THAP12: variants seen among roughly 807,000 people sequenced by gnomAD.
THAP12 encodes THAP domain containing 12.
THAP12 carries 20 observed loss-of-function variants against 63.0 expected under a neutral mutation model. The observed-to-expected ratio is 0.32, with a 90% CI of 0.22 to 0.46. The LOEUF (loss-of-function observed/expected upper bound fraction) is 0.46. Among genes scored for constraint, THAP12 ranks in the 20% least tolerant of loss-of-function variants. The pLI is 1.00. For missense variants in THAP12, 568 were observed against 908.2 expected (o/e 0.63, Z 4.81); for synonymous variants, 264 against 328.4 (o/e 0.80, Z 2.12).
At position 76,351,443 on chromosome 11, in the gene THAP12, G is replaced by C. The variant is rs757549819; in HGVS notation, c.1707C>G (p.Thr569=). ...AHQGNLESQL[T]SESYYKETLS... ...GGGTTTCTTTATAGTAACTCTCAGAGGTTAGCTGAGATTCCAAGTTACCCT... is the reference window on the plus strand; with the variant it reads ...GGGTTTCTTTATAGTAACTCTCAGACGTTAGCTGAGATTCCAAGTTACCCT... The change falls in exon 5 of 5, where the codon ACC becomes ACG. Residue 569 remains threonine (T), a synonymous_variant. Transcript: ENST00000260045. The C allele has an allele frequency of 1.9e-6, 3 of 1,602,204 alleles. No individual in the cohort carries two copies. The highest frequency in any genetic ancestry group is 1.7e-5 in the Admixed American group (1 of 59,860).
chr11:76,352,862 T>A lies in THAP12; in HGVS notation c.356-68A>T, dbSNP rs1176031394. On this transcript the variant is annotated intron_variant, in intron 4 of 4. Coordinates refer to ENST00000260045, the MANE Select transcript of THAP12 (RefSeq NM_004705.4). ...ACCATACACAACAAAAAATATTACA[T>A]CTTTGGTTAAATATTTAAAATCCAC... The A allele has an allele frequency of 6.9e-6, 10 of 1,455,014 alleles. No homozygotes were observed. In the Admixed American group the frequency reaches 1.1e-4, roughly 16 times the overall value. The allele number at this position is 1,455,014 out of a possible 1,614,324, so 90.1% of individuals were successfully genotyped here.
intron 2 of THAP12, among the ~76,000 whole-genome samples, chr11:76,365,231 T>C (rs1946622929): frequency 6.6e-6 from 1 of 150,680 alleles, no homozygotes; most frequent in Admixed American, 6.6e-5. Context: ...GTGGCAGAAG[T>C]TGCAGTGAGC....
chr11:76,360,127 C>A (rs1449149611), intron 3 of THAP12, among the ~76,000 whole-genome samples: 1 of 152,176 alleles, frequency 6.6e-6, no homozygotes, highest in Non-Finnish European at 1.5e-5. Context: ...TAGATCCCTA[C>A]TGTACATCAT....
intron 1 of THAP12, among the ~76,000 whole-genome samples, chr11:76,373,354 A>G (rs1946687273): frequency 6.6e-6 from 1 of 151,800 alleles, no homozygotes; most frequent in Non-Finnish European, 1.5e-5. Flanking sequence ...AAAAAAAAAA[A>G]AAAAAGGAAA....
intron 1 of THAP12, among the ~76,000 whole-genome samples, chr11:76,379,589 G>C (rs868252012): frequency 3.9e-5 from 6 of 152,064 alleles, no homozygotes; most frequent in South Asian, 2.1e-4. Flanking sequence ...CCTTCACCTG[G>C]TCTTTGCTCA....
intron 4 of THAP12, among the ~76,000 whole-genome samples, chr11:76,354,416 A>C (rs1309139898): frequency 6.6e-6 from 1 of 152,186 alleles, no homozygotes; most frequent in Non-Finnish European, 1.5e-5. Flanking sequence ...TTATTTCTCC[A>C]CTTCCAATTA....
At chr11:76,355,518 C>G in intron 4 of THAP12, 100 bp downstream of exon 4, 1 of 1,090,646 alleles carries the variant, frequency 9.2e-7, no homozygotes, top group South Asian at 1.7e-5. Context: ...CATTCATTCT[C>G]AAGGTAGGTT....
intron 1 of THAP12, among the ~76,000 whole-genome samples, chr11:76,379,025 T>C (rs1015703145): frequency 1.3e-5 from 2 of 152,156 alleles, no homozygotes; most frequent in African/African-American, 4.8e-5. Flanking sequence ...GTTAAAAATC[T>C]TGAAGTCGGC....
intron 1 of THAP12, among the ~76,000 whole-genome samples, chr11:76,373,581 G>C (rs766426731): frequency 1.3e-5 from 2 of 151,896 alleles, no homozygotes; most frequent in African/African-American, 2.4e-5. Context: ...AATTAGCCGG[G>C]GGTTGTGATG....
At chr11:76,369,931 A>G (rs1039308779) in intron 1 of THAP12, among the ~76,000 whole-genome samples, 1 of 152,172 alleles carries the variant, frequency 6.6e-6, no homozygotes, top group Admixed American at 6.5e-5. Flanking sequence ...AATGCAATAA[A>G]TCTTCACTGT....
chr11:76,361,890 A>C (rs184311598), intron 2 of THAP12, among the ~76,000 whole-genome samples: 4 of 152,348 alleles, frequency 2.6e-5, no homozygotes, highest in African/African-American at 9.6e-5. Context: ...TGCCACATGA[A>C]ACCAACTCTC....
At chr11:76,354,197 C>T (rs550626768) in intron 4 of THAP12, among the ~76,000 whole-genome samples, 8 of 152,104 alleles carry the variant, frequency 5.3e-5, no homozygotes, top group Non-Finnish European at 1.0e-4. Flanking sequence ...CTAGTCTGAC[C>T]GGAGCCTGTG....
At chr11:76,372,414 A>AG (rs569531889) in intron 1 of THAP12, among the ~76,000 whole-genome samples, 107 of 151,274 alleles carry the variant, frequency 7.1e-4, no homozygotes, top group Non-Finnish European at 1.3e-3. Flanking sequence ...TTCTAAAAAA[A>AG]AAAAAGAGAG....
chr11:76,361,172 A>T (rs1003805129), intron 2 of THAP12, 109 bp from the exon 3 acceptor site: 1 of 679,088 alleles, frequency 1.5e-6, no homozygotes, highest in African/African-American at 1.8e-5. Context: ...TCCAGCTCTA[A>T]AGTATAGAGA....
At chr11:76,375,758 T>TGG (rs1946705558) in intron 1 of THAP12, among the ~76,000 whole-genome samples, 1 of 49,902 alleles carries the variant, frequency 2.0e-5, no homozygotes. Flanking sequence ...GGGGGGGGGG[T>TGG]GGGTTAGAAC....
chr11:76,363,231 G>C (rs765119103), intron 2 of THAP12, among the ~76,000 whole-genome samples: 7 of 152,168 alleles, frequency 4.6e-5, no homozygotes, highest in Non-Finnish European at 8.8e-5. Context: ...ATGATACCAA[G>C]TATCTCAGTA....
rs746223135 is a variant in THAP12, at chr11:76,351,054, T to C, written c.2096A>G (p.Asn699Ser). Reference sequence around the variant, plus strand: ...ATATGCTTTAAGACGCTTTCGTCCATTTTCATACCGCTCATTCTCAACCTT... The same window carrying C: ...ATATGCTTTAAGACGCTTTCGTCCACTTTCATACCGCTCATTCTCAACCTT... The part of the protein sequence containing the change: ...VMKVENERYE[N>S]GRKRLKAYLR... Residue 699 changes from asparagine to serine, a missense_variant, in exon 5 of 5, where the codon AAT (asparagine) becomes AGT (serine). By Grantham distance (46) the Asn-to-Ser change is conservative. Coordinates refer to ENST00000260045, the MANE Select transcript of THAP12 (RefSeq NM_004705.4). 7 of 1,611,894 alleles carry C rather than the reference T, an allele frequency of 4.3e-6. No homozygotes were observed. The highest frequency in any genetic ancestry group is 2.7e-5 in the African/African-American group (2 of 74,872).
At position 76,380,652 on chromosome 11, in the gene THAP12, C is replaced by T. The variant is rs1322685812; in HGVS notation, c.89+96G>A. 8 of 952,550 alleles carry T rather than the reference C, an allele frequency of 8.4e-6. 1 individual carries two copies. The South Asian group carries it at 1.0e-4, about 12-fold the overall frequency. 59.0% of individuals were successfully genotyped at this position (952,550 alleles called of 1,614,324 possible). A position where few individuals can be genotyped will look rare whatever the true frequency, so the allele number is the denominator to read the frequency against. On this transcript the variant is annotated intron_variant, in intron 1 of 4. Coordinates refer to ENST00000260045, the MANE Select transcript of THAP12 (RefSeq NM_004705.4). ...GTGCGCTGCGCCCGCCTCCTGCGCCCCTCTCAGCCAGCCCGGGAGCCCGCC... is the reference window on the plus strand; with the variant it reads ...GTGCGCTGCGCCCGCCTCCTGCGCCTCTCTCAGCCAGCCCGGGAGCCCGCC...
Position 76,352,049 on chromosome 11 carries a change from C to A in THAP12, c.1101G>T (p.Trp367Cys). 6.2e-7 allele frequency: 1 copy of A among 1,611,390 alleles called. No homozygotes were observed. The highest frequency in any genetic ancestry group is 8.5e-7 in the Non-Finnish European group (1 of 1,179,384). Reference protein sequence around the residue: ...TLCSSCALNMWLAKSVPVMGV... With the variant: ...TLCSSCALNMCLAKSVPVMGV... ...CCATAACAGGTACTGATTTTGCCAA[C>A]CACATATTTAAGGCACAGGAAGAGC... Residue 367 changes from tryptophan to cysteine, a missense_variant, in exon 5 of 5, where the codon TGG (tryptophan) becomes TGT (cysteine). Trp to Cys is a radical substitution (Grantham distance 215). Transcript: ENST00000260045.
Sources: allele counts gnomAD v4.1 joint callset (sites outside exome capture counted in the v4.1 genomes callset), GRCh38; gene constraint gnomAD v4.1.1; transcripts MANE v1.5; gene names NCBI Gene and HGNC (gene_info 2026-07-23, HGNC 2026-07-21).